DUS4L: variants seen among roughly 807,000 people sequenced by gnomAD.
DUS4L encodes the protein tRNA-dihydrouridine(20a/20b) synthase [NAD(P)+]-like.
Under a neutral mutation model 33.8 loss-of-function variants are expected in DUS4L, and 31 were observed. The observed-to-expected ratio is 0.92, with a 90% CI of 0.69 to 1.24. The LOEUF is 1.24. Among genes scored for constraint, DUS4L ranks in the 50% most tolerant of loss-of-function variants. The pLI is 0.00. For missense variants in DUS4L, 368 were observed against 388.6 expected, an observed-to-expected ratio of 0.95 and a Z score of 0.45; for synonymous variants, 103 against 120.3, an observed-to-expected ratio of 0.86 and a Z score of 0.94.
At chr7:107,575,355 A>T in intron 6 of DUS4L, 45 bp downstream of exon 6, 1 of 1,585,136 alleles carries the variant, frequency 6.3e-7, no homozygotes. Flanking sequence ...TCCATTACTT[A>T]GGAAATGAAA....
At chr7:107,567,555 G>A (rs904164261) in intron 3 of DUS4L, among the ~76,000 whole-genome samples, 2 of 152,034 alleles carry the variant, frequency 1.3e-5, no homozygotes, top group South Asian at 2.1e-4. Context: ...TTCAGTTTTC[G>A]AAGAAATATT....
At chr7:107,576,332 C>T (rs754056718) in intron 6 of DUS4L, 34 bp from the exon 7 acceptor site, 1 of 1,576,898 alleles carries the variant, frequency 6.3e-7, no homozygotes, top group Admixed American at 1.8e-5. Flanking sequence ...GATTTGTGTG[C>T]TGTGAACAGA....
Position 107,566,089 on chromosome 7 carries a change from C to G in DUS4L, c.-21-961C>G, listed in dbSNP as rs534186941. ...TTCATCTTCAGTCTCTTTTGCTCTCCCCTTTTCCTCTGTTACTTAAATATT... is the reference window on the plus strand; with the variant it reads ...TTCATCTTCAGTCTCTTTTGCTCTCGCCTTTTCCTCTGTTACTTAAATATT... On this transcript the variant is annotated intron_variant, in intron 2 of 7. Coordinates refer to ENST00000265720, the MANE Select transcript of DUS4L (RefSeq NM_181581.3). Among the ~76,000 whole-genome samples the G allele has an allele frequency of 3.6e-3, 549 of 152,236 alleles. 2 individuals carry two copies. The highest frequency in any genetic ancestry group is 6.7e-3 in the Non-Finnish European group (456 of 68,002).
chr7:107,577,346 C>T lies in DUS4L; in HGVS notation c.740C>T (p.Pro247Leu), dbSNP rs990662681. The T allele has an allele frequency of 1.9e-6, 3 of 1,614,076 alleles. No homozygotes were observed. Among genetic ancestry groups the T allele is most frequent in the Non-Finnish European group, 2.5e-6 (3 of 1,180,016 alleles). The change falls in exon 8 of 8, where the codon CCG becomes CTG. Residue 247 changes from proline (P) to leucine (L), a missense_variant. By Grantham distance (98) the Pro-to-Leu change is moderately conservative (BLOSUM62 -3). Coordinates refer to ENST00000265720, the MANE Select transcript of DUS4L (RefSeq NM_181581.3). ...GTTGCAAGAGGACTCTTAGCAAACC[C>T]GGCCATGTTTGCTGGATATGAGGAA... ...VMVARGLLAN[P>L]AMFAGYEETP...
At chr7:107,567,268 C>G (rs1310845704) in intron 3 of DUS4L, 82 bp downstream of exon 3, 2 of 1,152,080 alleles carry the variant, frequency 1.7e-6, no homozygotes, top group African/African-American at 3.1e-5. Context: ...GTAAGACCAC[C>G]CACCATATGG....
intron 2 of DUS4L, among the ~76,000 whole-genome samples, 180 bp from the exon 3 acceptor site, chr7:107,566,870 C>A (rs573013317): frequency 9.2e-5 from 14 of 151,790 alleles, no homozygotes; most frequent in African/African-American, 3.4e-4. Context: ...ATTTATCTTA[C>A]AAATAGAGGC....
rs1438059065 is a variant in DUS4L at position 107,577,646 on chromosome 7, C to G, written c.*86C>G. On this transcript the variant is annotated 3_prime_UTR_variant, in exon 8 of 8. Coordinates refer to ENST00000265720, the MANE Select transcript of DUS4L (RefSeq NM_181581.3). ...CATATTTTGTACCTTAAACCAGTAG[C>G]TCTCAAATTTTAGTATAAAAACAAT... The G allele has an allele frequency of 1.1e-5, 16 of 1,410,464 alleles. No individual in the cohort carries two copies. The highest frequency in any genetic ancestry group is 1.4e-5 in the Non-Finnish European group (15 of 1,052,710). The allele number at this position is 1,410,464 out of a possible 1,614,324, so 87.4% of individuals were successfully genotyped here. A position where few individuals can be genotyped will look rare whatever the true frequency, so the allele number is the denominator to read the frequency against.
Position 107,577,705 on chromosome 7 carries a change from C to T in DUS4L, c.*145C>T, listed in dbSNP as rs537418181. 67 of 784,160 alleles carry T rather than the reference C, an allele frequency of 8.5e-5. No individual in the cohort carries two copies. The highest frequency in any genetic ancestry group is 1.1e-4 in the Non-Finnish European group (59 of 513,484). The allele number at this position is 784,160 out of a possible 1,614,324, so 48.6% of individuals were successfully genotyped here. ...GCGTTTTTTAAAAATCAGTTGTAGA[C>T]ACCACCCTCAGAGATTCTGATTAGG... On this transcript the variant is annotated 3_prime_UTR_variant, in exon 8 of 8. Transcript: ENST00000265720.
intron 3 of DUS4L, among the ~76,000 whole-genome samples, chr7:107,568,457 A>G (rs1411963666): frequency 6.6e-6 from 1 of 152,178 alleles, no homozygotes; most frequent in East Asian, 1.9e-4. Flanking sequence ...GATGCTGAAC[A>G]TCTTTTTGTG....
At chr7:107,574,346 CTTTTT>C (rs761005292) in intron 5 of DUS4L, among the ~76,000 whole-genome samples, 3 of 125,976 alleles carry the variant, frequency 2.4e-5, no homozygotes, top group Admixed American at 8.0e-5. Context: ...AATAATATTT[CTTTTT>C]TTTTTTTTTT....
intron 7 of DUS4L, chr7:107,576,969 C>T: frequency 3.5e-6 from 1 of 287,098 alleles, no homozygotes; most frequent in Non-Finnish European, 6.5e-6. Context: ...TATTGGCATG[C>T]CAAGCCCTAT....
chr7:107,573,584 TG>T, intron 4 of DUS4L, 119 bp from the exon 5 acceptor site: 1 of 896,022 alleles, frequency 1.1e-6, no homozygotes, highest in Admixed American at 3.0e-5. Flanking sequence ...TTTGGACAGA[TG>T]CTTCTTAGGC....
In DUS4L at chr7:107,564,907, TTC is replaced by T. The variant is rs567741652; in HGVS notation, c.-22+233_-22+234del. Among the ~76,000 whole-genome samples, 731 of 152,328 alleles carry T rather than the reference TTC, an allele frequency of 4.8e-3. 6 individuals carry two copies. Among genetic ancestry groups the T allele is most frequent in the Non-Finnish European group, 5.1e-3 (348 of 68,024 alleles). On this transcript the variant is annotated intron_variant, in intron 2 of 7. Transcript: ENST00000265720. Reference sequence around the variant, plus strand: ...TTCCAGAGCTACGTGGTTTTCTACATTCTGTTTCAAAAAGGTGCTATTACTTA... The same window carrying T: ...TTCCAGAGCTACGTGGTTTTCTACATTGTTTCAAAAAGGTGCTATTACTTA...
intron 2 of DUS4L, 93 bp from the exon 3 acceptor site, chr7:107,566,957 A>G (rs1258281333): frequency 1.1e-6 from 1 of 907,506 alleles, no homozygotes. Context: ...CAAGCCTGAT[A>G]AAAAATATAT....
intron 1 of DUS4L, 129 bp from the exon 2 acceptor site, chr7:107,564,459 G>A (rs1262713538): frequency 5.7e-6 from 1 of 176,052 alleles, no homozygotes; most frequent in Non-Finnish European, 1.2e-5. Flanking sequence ...GATGAACAGT[G>A]AAGAGAATTA....
At chr7:107,568,585 G>A (rs569253121) in intron 3 of DUS4L, among the ~76,000 whole-genome samples, 1 of 152,282 alleles carries the variant, frequency 6.6e-6, no homozygotes, top group East Asian at 1.9e-4. Flanking sequence ...TTTGTCAGAT[G>A]TGTGATTTGC....
chr7:107,568,644 T>C (rs1233390566), intron 3 of DUS4L, among the ~76,000 whole-genome samples: 1 of 152,230 alleles, frequency 6.6e-6, no homozygotes, highest in Admixed American at 6.5e-5. Context: ...CCTAACAGGA[T>C]CTTTTGCAGA....
intron 3 of DUS4L, chr7:107,570,934 G>A (rs1207987499): frequency 5.8e-6 from 3 of 520,000 alleles, no homozygotes; most frequent in Non-Finnish European, 9.7e-6. Flanking sequence ...TAGCCTATCT[G>A]GACATCTTTT....
At chr7:107,571,120 T>A (rs758169446) in intron 3 of DUS4L, 25 bp from the exon 4 acceptor site, 1 of 1,612,930 alleles carries the variant, frequency 6.2e-7, no homozygotes, top group Non-Finnish European at 8.5e-7. Context: ...TCTAAATGCA[T>A]AATTAAGGTT....
Sources: allele counts gnomAD v4.1 joint callset (sites outside exome capture counted in the v4.1 genomes callset), GRCh38; gene constraint gnomAD v4.1.1; transcripts MANE v1.5; gene names NCBI Gene and HGNC (gene_info 2026-07-23, HGNC 2026-07-21).